The following CCDC175 variants were observed in gnomAD, a reference collection of about 807,000 sequenced individuals.
The protein encoded by CCDC175 is coiled-coil domain-containing protein 175.
A neutral mutation model predicts 114.6 loss-of-function variants in CCDC175; 100 were observed. The ratio of observed to expected loss-of-function variants is 0.87; its 90% CI spans 0.74 to 1.03. The LOEUF is 1.03. Among genes scored for constraint, CCDC175 ranks in the 50% least tolerant of loss-of-function variants. The pLI, the probability that CCDC175 is intolerant of heterozygous loss-of-function variation, is 0.00. For synonymous variants in CCDC175, 306 were observed against 308.7 expected, an observed-to-expected ratio of 0.99 and a Z score of 0.09; for missense variants, 880 against 917.8, an observed-to-expected ratio of 0.96 and a Z score of 0.53.
Position 59,545,273 on chromosome 14 carries a change from A to T in CCDC175, c.1062T>A (p.Arg354=). 6.5e-7 allele frequency: 1 copy of T among 1,536,950 alleles called. No homozygotes were observed. The highest frequency in any genetic ancestry group is 2.0e-5 in the Admixed American group (1 of 50,998). ...TCTCTCGTAGGTCTTTGTATTCCAT[A>T]CGAGCAGCATGCAGTGTTTCAACCA... ...KQLVETLHAA[R]MEYKDLREKM... is the part of the protein sequence containing the mutation. Residue 354 remains arginine, a synonymous_variant, in exon 9 of 20, where the codon CGT becomes CGA. Transcript: ENST00000537690.
chr14:59,508,399 T>TACACACACACACACACACACAC (rs71451066), intron 19 of CCDC175, among the ~76,000 whole-genome samples: 4,122 of 97,252 alleles, frequency 0.042, 342 homozygotes, highest in Middle Eastern at 0.068. Context: ...GTCTCCAAAA[T>TACACACACACACACACACACAC]ACACACACAC....
At position 59,505,308 on chromosome 14, in the gene CCDC175, C is replaced by G. The variant is rs1892275452; in HGVS notation, c.2313G>C (p.Lys771Asn). 2 of 1,450,412 alleles carry G rather than the reference C, an allele frequency of 1.4e-6. No individual in the cohort carries two copies. Among genetic ancestry groups the G allele is most frequent in the East Asian group, 5.0e-5 (2 of 40,330 alleles). The allele number at this position is 1,450,412 out of a possible 1,614,324, so 89.8% of individuals were successfully genotyped here. ...QESPMDLLKKKKHIRTRVHFP... is the reference protein window; with the variant it reads ...QESPMDLLKKNKHIRTRVHFP... The stretch of plus-strand genomic sequence containing the variant: ...AATGAACCCTTGTACGAATGTGTTT[C>G]TTCTTCTCTGTAGGAATAAAAAATA... The change falls in exon 20 of 20, where the codon AAG (lysine) becomes AAC (asparagine). Residue 771 changes from lysine to asparagine, a missense_variant. Physicochemically the swap from Lys to Asn is moderately conservative, Grantham distance 94. Transcript: ENST00000537690.
chr14:59,550,362 T>C (rs1054108762), intron 8 of CCDC175, among the ~76,000 whole-genome samples: 1 of 152,176 alleles, frequency 6.6e-6, no homozygotes, highest in Non-Finnish European at 1.5e-5. Flanking sequence ...TTGAATATTT[T>C]GAGGCTAAAT....
chr14:59,518,711 C>T (rs1409797170), intron 17 of CCDC175, among the ~76,000 whole-genome samples: 3 of 152,160 alleles, frequency 2.0e-5, no homozygotes. Context: ...CACTTTTACA[C>T]TGTTGGTGGG....
intron 8 of CCDC175, 164 bp downstream of exon 8, chr14:59,551,191 G>C: frequency 2.2e-6 from 1 of 454,332 alleles, no homozygotes; most frequent in Non-Finnish European, 3.8e-6. Context: ...TATAATTAAA[G>C]TACTTTGGGA....
intron 7 of CCDC175, among the ~76,000 whole-genome samples, chr14:59,557,577 G>A (rs1895985786): frequency 6.6e-6 from 1 of 150,570 alleles, no homozygotes; most frequent in Non-Finnish European, 1.5e-5. Context: ...TAACAAACCT[G>A]CATGTTGTGC....
intron 3 of CCDC175, among the ~76,000 whole-genome samples, chr14:59,572,105 T>G (rs1352748577): frequency 2.0e-5 from 3 of 152,112 alleles, no homozygotes; most frequent in Non-Finnish European, 4.4e-5. Flanking sequence ...CTGTTTTGGA[T>G]AAGGGATGCT....
In CCDC175 at chr14:59,543,383, T is replaced by C; in HGVS notation, c.1244A>G (p.Asn415Ser). 2 of 1,480,124 alleles carry C rather than the reference T, an allele frequency of 1.4e-6. No individual in the cohort carries two copies. The highest frequency in any genetic ancestry group is 1.8e-6 in the Non-Finnish European group (2 of 1,111,128). 91.7% of individuals were successfully genotyped at this position (1,480,124 alleles called of 1,614,324 possible). ...FLSQKRVDIK[N>S]MEEGLITLQE... ...GAGTGTGATGAGTCCTTCTTCCATA[T>C]TTTTGATGTCTACTCTCTTTTGTGA... is the stretch of plus-strand genomic sequence containing the variant. Residue 415 changes from asparagine (N) to serine (S), a missense_variant, in exon 10 of 20, where the codon AAT (asparagine) becomes AGT (serine). Asn to Ser is a conservative substitution (Grantham distance 46, BLOSUM62 1). Transcript: ENST00000537690.
chr14:59,531,522 G>A (rs967061418), intron 14 of CCDC175, among the ~76,000 whole-genome samples: 10 of 152,116 alleles, frequency 6.6e-5, no homozygotes, highest in Admixed American at 5.2e-4. Context: ...AAAATAATAT[G>A]GTAAAGGACT....
intron 13 of CCDC175, among the ~76,000 whole-genome samples, chr14:59,534,984 G>A (rs1268326328): frequency 6.6e-6 from 1 of 152,128 alleles, no homozygotes; most frequent in Admixed American, 6.5e-5. Context: ...TGTTGATTTA[G>A]AGATACTAGT....
Position 59,527,272 on chromosome 14 carries a change from G to A in CCDC175, c.1763-98C>T, listed in dbSNP as rs938137826. 13 of 646,514 alleles carry A rather than the reference G, an allele frequency of 2.0e-5. No individual in the cohort carries two copies. The African/African-American group carries it at 2.5e-4, about 12-fold the overall frequency. 40.0% of individuals were successfully genotyped at this position (646,514 alleles called of 1,614,324 possible). A position where few individuals can be genotyped will look rare whatever the true frequency, so the allele number is the denominator to read the frequency against. On this transcript the variant is annotated intron_variant, in intron 14 of 19. Transcript: ENST00000537690. ...TTTAAAAATCAAATTATCTCACAAG[G>A]TTTATAACAAAAACCAACTGTCAGG...
Position 59,568,582 on chromosome 14 carries a change from G to A in CCDC175, c.356-202C>T, listed in dbSNP as rs150412981. Among the ~76,000 whole-genome samples the A allele has an allele frequency of 4.5e-3, 685 of 152,142 alleles. 4 individuals are homozygous for A. Among genetic ancestry groups the A allele is most frequent in the African/African-American group, 0.015 (622 of 41,502 alleles). ...CTGCTGCTCTGGTAACCAGCTTTCT[G>A]TGGGCTTGGATCAATTTCAGACAGG... On this transcript the variant is annotated intron_variant, in intron 3 of 19. Transcript: ENST00000537690.
chr14:59,531,884 A>C lies in CCDC175; in HGVS notation c.1650T>G (p.Ile550Met). The stretch of plus-strand genomic sequence containing the variant: ...CTAGTTCTTCTTCCTTTTCTTTGTT[A>C]ATTTGTGTTTCCTTAACAAATATTT... Reference protein sequence around the residue: ...YEEIFVKETQINKEKEEELVE... With the variant: ...YEEIFVKETQMNKEKEEELVE... Residue 550 changes from isoleucine (I) to methionine (M), a missense_variant, in exon 14 of 20, where the codon ATT becomes ATG. Coordinates refer to ENST00000537690, the MANE Select transcript of CCDC175 (RefSeq NM_001164399.2). 8.0e-7 allele frequency: 1 copy of C among 1,255,892 alleles called. No individual in the cohort carries two copies. The highest frequency in any genetic ancestry group is 1.1e-6 in the Non-Finnish European group (1 of 901,008). 77.8% of individuals were successfully genotyped at this position (1,255,892 alleles called of 1,614,324 possible).
chr14:59,575,948 A>G (rs1174226603), intron 1 of CCDC175, among the ~76,000 whole-genome samples: 4 of 152,226 alleles, frequency 2.6e-5, no homozygotes, highest in African/African-American at 9.6e-5. Flanking sequence ...TATCTTGAAG[A>G]AATGGGATGA....
intron 4 of CCDC175, among the ~76,000 whole-genome samples, chr14:59,565,871 C>G (rs922080054): frequency 6.6e-6 from 1 of 152,164 alleles, no homozygotes; most frequent in African/African-American, 2.4e-5. Context: ...TATACAATGA[C>G]TCAAAAGTAA....
intron 7 of CCDC175, among the ~76,000 whole-genome samples, chr14:59,552,175 G>C (rs977287404): frequency 2.0e-5 from 3 of 152,248 alleles, no homozygotes; most frequent in African/African-American, 7.2e-5. Flanking sequence ...GCCTCCTCAA[G>C]TGGGTCCCTG....
chr14:59,527,681 TCA>T (rs938407638), intron 14 of CCDC175, among the ~76,000 whole-genome samples: 2 of 151,736 alleles, frequency 1.3e-5, no homozygotes, highest in African/African-American at 4.8e-5. Context: ...AAAAAATTGC[TCA>T]GTGTTTCATG....
chr14:59,574,954 C>T lies in CCDC175; in HGVS notation c.232G>A (p.Val78Ile), dbSNP rs1287791246. 6.7e-6 allele frequency: 10 copies of T among 1,482,436 alleles called. No individual in the cohort carries two copies. The highest frequency in any genetic ancestry group is 8.2e-6 in the Non-Finnish European group (9 of 1,103,244). 91.8% of individuals were successfully genotyped at this position (1,482,436 alleles called of 1,614,324 possible). A position where few individuals can be genotyped will look rare whatever the true frequency, so the allele number is the denominator to read the frequency against. ...KIFLKDIAVA[V>I]KKLEEMRKAT... ...AGATAATACAATACCAATTTCTTAACAGCTACAGCAATGTCCTTAAGAAAG... is the reference window on the plus strand; with the variant it reads ...AGATAATACAATACCAATTTCTTAATAGCTACAGCAATGTCCTTAAGAAAG... Residue 78 changes from valine to isoleucine, a missense_variant, in exon 2 of 20, where the codon GTT becomes ATT. Transcript: ENST00000537690.
chr14:59,510,944 G>A, intron 18 of CCDC175, 136 bp from the exon 19 acceptor site: 3 of 700,784 alleles, frequency 4.3e-6, no homozygotes, highest in East Asian at 2.8e-5. Flanking sequence ...AAGTGCTTGT[G>A]TACACAGCCA....
Sources: allele counts gnomAD v4.1 joint callset (sites outside exome capture counted in the v4.1 genomes callset), GRCh38; gene constraint gnomAD v4.1.1; transcripts MANE v1.5; gene names NCBI Gene and HGNC (gene_info 2026-07-23, HGNC 2026-07-21).